The following EHMT1 variants were observed in gnomAD, a reference collection of about 807,000 sequenced individuals.
EHMT1 encodes histone-lysine N-methyltransferase EHMT1.
Under a neutral mutation model 147.2 loss-of-function variants are expected in EHMT1, and 15 were observed. The observed-to-expected ratio is 0.10, with a 90% CI of 0.07 to 0.16. EHMT1 has a LOEUF of 0.16. Ranked by LOEUF, EHMT1 falls within the 10% of genes least tolerant of loss-of-function variation. EHMT1 has a pLI of 1.00. For missense variants in EHMT1, 1,587 were observed against 1,772.4 expected (o/e 0.90, Z 1.88); for synonymous variants, 795 against 709.6 (o/e 1.12, Z -1.91).
chr9:137,668,236 G>A (rs1393772172), intron 1 of EHMT1, among the ~76,000 whole-genome samples: 1 of 152,060 alleles, frequency 6.6e-6, no homozygotes, highest in Non-Finnish European at 1.5e-5. Context: ...GGACTTGCAG[G>A]ATCCTGCTAG....
intron 2 of EHMT1, among the ~76,000 whole-genome samples, chr9:137,712,836 T>G (rs1283635198): frequency 1.3e-5 from 2 of 152,214 alleles, no homozygotes; most frequent in African/African-American, 2.4e-5. Context: ...GTCTAAAACC[T>G]AAGAACTTAC....
At chr9:137,623,880 A>G (rs1843091391) in intron 1 of EHMT1, among the ~76,000 whole-genome samples, 1 of 152,044 alleles carries the variant, frequency 6.6e-6, no homozygotes, top group African/African-American at 2.4e-5. Flanking sequence ...GGAGTGGTTC[A>G]ATGATAGTTC....
At chr9:137,833,273 C>A (rs1262276268) in intron 25 of EHMT1, among the ~76,000 whole-genome samples, 2 of 152,362 alleles carry the variant, frequency 1.3e-5, no homozygotes, top group East Asian at 3.9e-4. Context: ...GCCTCCTTCC[C>A]CGTCTGCCTG....
chr9:137,834,275 C>G, intron 25 of EHMT1, 74 bp from the exon 26 acceptor site: 1 of 1,585,982 alleles, frequency 6.3e-7, no homozygotes, highest in South Asian at 1.1e-5. Flanking sequence ...GACTGCCATG[C>G]ATGGCCGTAC....
intron 18 of EHMT1, among the ~76,000 whole-genome samples, chr9:137,806,091 C>T (rs1277486081): frequency 6.6e-6 from 1 of 151,888 alleles, no homozygotes; most frequent in Non-Finnish European, 1.5e-5. Context: ...TCCCAAGTAG[C>T]TGGGATTACA....
Position 137,776,991 on chromosome 9 carries a change from T to C in EHMT1, c.2018+147T>C, listed in dbSNP as rs935978224. 2 of 768,600 alleles carry C rather than the reference T, an allele frequency of 2.6e-6. No homozygotes were observed. The highest frequency in any genetic ancestry group is 5.4e-5 in the Admixed American group (2 of 37,102). 47.6% of individuals were successfully genotyped at this position (768,600 alleles called of 1,614,324 possible). A position where few individuals can be genotyped will look rare whatever the true frequency, so the allele number is the denominator to read the frequency against. On this transcript the variant is annotated intron_variant, in intron 12 of 26. Transcript: ENST00000460843. This position sits in a 1 kb window ranked among gnomAD's most constrained non-coding sequence, Gnocchi z 4.4. ...TATGGTGATTTCTGACATTTAAGAC[T>C]CTGAAATTCATTTATTGCCATTTGT...
intron 18 of EHMT1, among the ~76,000 whole-genome samples, chr9:137,810,241 C>T (rs377547047): frequency 1.6e-4 from 21 of 130,408 alleles, no homozygotes; most frequent in South Asian, 5.4e-4. Context: ...TGCCGCCCCG[C>T]GTGGACCGTC....
At position 137,710,983 on chromosome 9, in the gene EHMT1, G is replaced by A. The variant is rs925532395; in HGVS notation, c.38G>A (p.Gly13Glu). Residue 13 changes from glycine to glutamate, a missense_variant, in exon 2 of 27, where the codon GGG becomes GAG. Physicochemically the swap from Gly to Glu is moderately conservative, Grantham distance 98. This residue lies in a region of EHMT1 where 810 missense variants were observed against 673.0 expected (regional missense o/e 1.20). Transcript: ENST00000460843. The part of the protein sequence containing the change: ...AADAEAVPAR[G>E]EPQQDCCVKT... ...CTCTAACAGGCAGTTCCGGCGAGGG[G>A]GGAGCCTCAGCAGGATTGCTGTGTG... 9.4e-6 allele frequency: 15 copies of A among 1,598,622 alleles called. No individual in the cohort carries two copies. The highest frequency in any genetic ancestry group is 2.7e-5 in the African/African-American group (2 of 74,682).
intron 17 of EHMT1, 95 bp from the exon 18 acceptor site, chr9:137,800,785 C>T: frequency 9.5e-7 from 1 of 1,049,732 alleles, no homozygotes. Context: ...GGGCATGGTA[C>T]CTGGGAGGTG....
At chr9:137,803,663 A>G (rs1405395544) in intron 18 of EHMT1, among the ~76,000 whole-genome samples, 1 of 152,046 alleles carries the variant, frequency 6.6e-6, no homozygotes, top group African/African-American at 2.4e-5. Flanking sequence ...GTTAGAACAT[A>G]TGACAGGTGT....
At chr9:137,696,540 C>T (rs915431508) in intron 1 of EHMT1, among the ~76,000 whole-genome samples, 2 of 152,154 alleles carry the variant, frequency 1.3e-5, no homozygotes, top group Admixed American at 6.5e-5. Context: ...TGTGAAATGA[C>T]GTTTTTAAAT....
At chr9:137,730,067 G>A (rs181372673) in intron 4 of EHMT1, among the ~76,000 whole-genome samples, 2 of 152,340 alleles carry the variant, frequency 1.3e-5, no homozygotes, top group Non-Finnish European at 2.9e-5. Flanking sequence ...TACAGGCCAG[G>A]TCTTTCATAG....
chr9:137,669,776 C>T (rs1020613538), intron 1 of EHMT1, among the ~76,000 whole-genome samples: 1 of 152,062 alleles, frequency 6.6e-6, no homozygotes, highest in African/African-American at 2.4e-5. Flanking sequence ...TGTTCTTGAA[C>T]TCTTGGCCTT....
intron 1 of EHMT1, among the ~76,000 whole-genome samples, chr9:137,696,969 A>C (rs748197001): frequency 7.9e-5 from 12 of 152,196 alleles, no homozygotes; most frequent in Non-Finnish European, 1.6e-4. Flanking sequence ...AGAGCAGACC[A>C]CAGAGCTGGC....
chr9:137,831,779 T>C (rs575976840), intron 25 of EHMT1, among the ~76,000 whole-genome samples: 2 of 152,380 alleles, frequency 1.3e-5, no homozygotes, highest in South Asian at 2.1e-4. Context: ...CCTTGAGTTG[T>C]TCCTGTTAAC....
chr9:137,641,389 A>G (rs1389913034), intron 1 of EHMT1: 3 of 524,828 alleles, frequency 5.7e-6, no homozygotes, highest in South Asian at 2.9e-5. Context: ...CCTATTCTGT[A>G]ACCTGATTTA....
chr9:137,811,372 G>C, intron 18 of EHMT1, 89 bp from the exon 19 acceptor site: 1 of 1,585,222 alleles, frequency 6.3e-7, no homozygotes, highest in South Asian at 1.1e-5. Flanking sequence ...GCCTCTCCCC[G>C]GGCACATGGG....
chr9:137,834,501 G>A lies in EHMT1; in HGVS notation c.3693G>A (p.Leu1231=). 1 of 1,611,724 alleles carries A rather than the reference G, an allele frequency of 6.2e-7. No homozygotes were observed. Among genetic ancestry groups the A allele is most frequent in the East Asian group, 2.2e-5 (1 of 44,864 alleles). ...FPRIAFFSTR[L]IEAGEQLGFD... The stretch of plus-strand genomic sequence containing the variant: ...GGATCGCCTTCTTCAGCACCCGCCT[G>A]ATCGAGGCCGGCGAGCAGCTCGGGT... Residue 1231 remains leucine, a synonymous_variant, in exon 26 of 27, where the codon CTG becomes CTA. Transcript: ENST00000460843.
intron 9 of EHMT1, among the ~76,000 whole-genome samples, chr9:137,758,546 T>C (rs1291109183): frequency 6.6e-6 from 1 of 152,212 alleles, no homozygotes; most frequent in Non-Finnish European, 1.5e-5. Context: ...TTCTATCAGT[T>C]TTTTCTCTTT....
Sources: allele counts gnomAD v4.1 joint callset (sites outside exome capture counted in the v4.1 genomes callset), GRCh38; gene constraint gnomAD v4.1.1; regional missense constraint gnomAD v4.1.1; non-coding constraint Gnocchi (gnomAD v3.1); transcripts MANE v1.5; gene names NCBI Gene and HGNC (gene_info 2026-07-23, HGNC 2026-07-21).